MYPN: variants seen among roughly 807,000 people sequenced by gnomAD.
MYPN encodes the protein sarcomeric protein myopalladin, 145 kDa (MYOP).
Under a neutral mutation model 129.4 loss-of-function variants are expected in MYPN, and 63 were observed. That is an observed-to-expected ratio of 0.49 (90% CI 0.40 to 0.60). MYPN has a LOEUF of 0.60. Among genes scored for constraint, MYPN ranks in the 20% least tolerant of loss-of-function variants. The pLI, the probability that MYPN is intolerant of heterozygous loss-of-function variation, is 0.00. For missense variants in MYPN, 1,596 were observed against 1,635.4 expected (o/e 0.98, Z 0.42); for synonymous variants, 629 against 600.9 (o/e 1.05, Z -0.68).
At chr10:68,168,770 G>A (rs1248149671) in intron 10 of MYPN, among the ~76,000 whole-genome samples, 1 of 152,000 alleles carries the variant, frequency 6.6e-6, no homozygotes, top group Non-Finnish European at 1.5e-5. Context: ...TCCGCTGTTT[G>A]TCATGTGATG....
intron 13 of MYPN, among the ~76,000 whole-genome samples, chr10:68,193,288 A>G (rs962033089): frequency 6.6e-6 from 1 of 152,208 alleles, no homozygotes; most frequent in African/African-American, 2.4e-5. Context: ...CCCATCAGGA[A>G]TGAGATCATT....
At chr10:68,096,697 A>C (rs1437380653) in intron 1 of MYPN, among the ~76,000 whole-genome samples, 1 of 152,218 alleles carries the variant, frequency 6.6e-6, no homozygotes, top group Admixed American at 6.5e-5. Context: ...AGAAGAACTG[A>C]ATCTGCTTTG....
At chr10:68,196,995 G>C (rs147556740) in intron 15 of MYPN, among the ~76,000 whole-genome samples, 1 of 152,158 alleles carries the variant, frequency 6.6e-6, no homozygotes, top group Admixed American at 6.5e-5. Flanking sequence ...TTTGGCTCTC[G>C]TTTGAGGTTC....
At chr10:68,144,841 A>C (rs932459507) in intron 3 of MYPN, among the ~76,000 whole-genome samples, 2 of 152,130 alleles carry the variant, frequency 1.3e-5, no homozygotes, top group African/African-American at 2.4e-5. Flanking sequence ...GTCTGCAAAT[A>C]CTGCTCTGTT....
At chr10:68,092,912 C>A (rs2041937539) in intron 1 of MYPN, among the ~76,000 whole-genome samples, 1 of 152,172 alleles carries the variant, frequency 6.6e-6, no homozygotes, top group Non-Finnish European at 1.5e-5. Flanking sequence ...AGAGCTGGGG[C>A]TCGAACCTGC....
At chr10:68,137,196 T>G (rs2042500733) in intron 2 of MYPN, among the ~76,000 whole-genome samples, 1 of 152,204 alleles carries the variant, frequency 6.6e-6, no homozygotes, top group Non-Finnish European at 1.5e-5. Context: ...AGTAGCATTG[T>G]TTTTCATTGT....
In MYPN at chr10:68,110,253, T is replaced by TTC. The variant is rs140449918; in HGVS notation, c.-2+549_-2+550dup. Among the ~76,000 whole-genome samples the TTC allele has an allele frequency of 7.6e-3, 1,117 of 147,596 alleles. 6 individuals carry two copies. Among genetic ancestry groups the TTC allele is most frequent in the Middle Eastern group, 0.036 (10 of 280 alleles). On this transcript the variant is annotated intron_variant, in intron 1 of 19. Transcript: ENST00000358913. Reference sequence around the variant, plus strand: ...AGGGACATTGCTCTTTCTTTCTCCTTTCTCTCTCTCTCTCTCTCTCCGTCT... The same window carrying TTC: ...AGGGACATTGCTCTTTCTTTCTCCTTTCTCTCTCTCTCTCTCTCTCTCCGTCT...
chr10:68,169,376 A>AG (rs2043110257), intron 10 of MYPN, among the ~76,000 whole-genome samples: 1 of 145,996 alleles, frequency 6.8e-6, no homozygotes, highest in African/African-American at 2.6e-5. Context: ...AAAAAAAAAA[A>AG]AAGAAGTGAC....
chr10:68,106,701 A>C (rs1250155276), upstream of MYPN: 5 of 716,710 alleles, frequency 7.0e-6, no homozygotes, highest in Middle Eastern at 2.3e-4. Flanking sequence ...TTTTATATGA[A>C]TCTACTAGCA....
intron 12 of MYPN, among the ~76,000 whole-genome samples, chr10:68,183,712 A>C (rs1458444861): frequency 1.3e-5 from 2 of 152,194 alleles, no homozygotes; most frequent in South Asian, 2.1e-4. Flanking sequence ...ATAGAAGGTT[A>C]AGACCTCTTG....
intron 1 of MYPN, among the ~76,000 whole-genome samples, chr10:68,094,181 C>G (rs770327097): frequency 9.2e-5 from 14 of 152,144 alleles, no homozygotes; most frequent in Admixed American, 2.0e-4. Flanking sequence ...CAATCCTGCC[C>G]GCCTTCTGTC....
At chr10:68,169,095 CA>C (rs1177167369) in intron 10 of MYPN, among the ~76,000 whole-genome samples, 1 of 148,986 alleles carries the variant, frequency 6.7e-6, no homozygotes, top group African/African-American at 2.5e-5. Context: ...CCTGTAATCC[CA>C]GCACTTTGGG....
chr10:68,164,179 C>A (rs2043020788), intron 8 of MYPN, among the ~76,000 whole-genome samples: 1 of 152,194 alleles, frequency 6.6e-6, no homozygotes, highest in African/African-American at 2.4e-5. Context: ...TTATTTCTTA[C>A]AGTTCTGGAG....
At chr10:68,126,225 G>A (rs933693879) in intron 2 of MYPN, among the ~76,000 whole-genome samples, 2 of 152,096 alleles carry the variant, frequency 1.3e-5, no homozygotes, top group Non-Finnish European at 2.9e-5. Flanking sequence ...GTCCTTTCAG[G>A]CCAGGTCACT....
intron 1 of MYPN, among the ~76,000 whole-genome samples, chr10:68,113,441 A>G (rs1002593985): frequency 3.3e-5 from 5 of 152,186 alleles, no homozygotes; most frequent in African/African-American, 9.7e-5. Flanking sequence ...CATGCCTGTA[A>G]TCCCAGCACT....
chr10:68,198,576 G>T (rs1194777838), intron 16 of MYPN, among the ~76,000 whole-genome samples: 2 of 152,112 alleles, frequency 1.3e-5, no homozygotes, highest in Non-Finnish European at 2.9e-5. Context: ...TATTCGGATT[G>T]ATTGCTACAT....
At chr10:68,120,612 A>G (rs1427413430) in intron 1 of MYPN, among the ~76,000 whole-genome samples, 1 of 152,192 alleles carries the variant, frequency 6.6e-6, no homozygotes, top group African/African-American at 2.4e-5. Flanking sequence ...TTGTCAAAAA[A>G]CAAAAGCATT....
chr10:68,092,380 A>G (rs2041935132), intron 1 of MYPN, among the ~76,000 whole-genome samples: 1 of 152,030 alleles, frequency 6.6e-6, no homozygotes, highest in Non-Finnish European at 1.5e-5. Context: ...CTGTTATCCC[A>G]GCTACTCGGG....
intron 18 of MYPN, among the ~76,000 whole-genome samples, chr10:68,204,242 A>G (rs765206791): frequency 3.3e-5 from 5 of 152,212 alleles, no homozygotes; most frequent in Admixed American, 1.3e-4. Context: ...ACTCTTCACA[A>G]CACCCAATGC....
Sources: allele counts gnomAD v4.1 joint callset (sites outside exome capture counted in the v4.1 genomes callset), GRCh38; gene constraint gnomAD v4.1.1; transcripts MANE v1.5; gene names NCBI Gene and HGNC (gene_info 2026-07-23, HGNC 2026-07-21).